The following PRKAR2B variants were observed in gnomAD, a reference collection of about 807,000 sequenced individuals.
PRKAR2B encodes the protein cAMP-dependent protein kinase type II-beta regulatory subunit.
A neutral mutation model predicts 49.9 loss-of-function variants in PRKAR2B; 14 were observed. That is an observed-to-expected ratio of 0.28 (90% CI 0.19 to 0.44). The LOEUF (loss-of-function observed/expected upper bound fraction) is 0.44, where lower values mean the gene tolerates loss of function less well. Among genes scored for constraint, PRKAR2B ranks in the 20% least tolerant of loss-of-function variants. The probability of loss-of-function intolerance (pLI) is 1.00; values close to 1 mark genes in which losing one functional copy is unlikely to be tolerated. For synonymous variants in PRKAR2B, 196 were observed against 197.7 expected, an observed-to-expected ratio of 0.99 and a Z score of 0.07; for missense variants, 393 against 537.9, an observed-to-expected ratio of 0.73 and a Z score of 2.67.
intron 2 of PRKAR2B, among the ~76,000 whole-genome samples, chr7:107,097,292 G>T (rs901738208): frequency 2.0e-5 from 3 of 151,966 alleles, no homozygotes; most frequent in Admixed American, 2.0e-4. Flanking sequence ...GATCTTTGTT[G>T]GTTTAAAGTC....
intron 5 of PRKAR2B, among the ~76,000 whole-genome samples, chr7:107,143,698 A>G (rs556327658): frequency 6.6e-5 from 10 of 152,330 alleles, no homozygotes; most frequent in African/African-American, 2.2e-4. Flanking sequence ...TGGGTGGTTG[A>G]GATAATGACA....
chr7:107,101,586 CTG>C (rs886516146), intron 2 of PRKAR2B, among the ~76,000 whole-genome samples: 19 of 152,232 alleles, frequency 1.2e-4, no homozygotes, highest in African/African-American at 4.6e-4. Flanking sequence ...GGTTAGTTCA[CTG>C]CATCCAGGAC....
At chr7:107,091,325 A>C (rs1243195421) in intron 2 of PRKAR2B, among the ~76,000 whole-genome samples, 1 of 152,254 alleles carries the variant, frequency 6.6e-6, no homozygotes, top group Non-Finnish European at 1.5e-5. Context: ...TGTGCATTCT[A>C]TGAGACTGCT....
intron 1 of PRKAR2B, among the ~76,000 whole-genome samples, chr7:107,064,453 G>A (rs1041966922): frequency 6.6e-6 from 1 of 152,132 alleles, no homozygotes; most frequent in African/African-American, 2.4e-5. Flanking sequence ...TGTCTGAGTG[G>A]GTTGGACACC....
intron 2 of PRKAR2B, among the ~76,000 whole-genome samples, chr7:107,114,077 A>C (rs1159513001): frequency 2.0e-5 from 3 of 152,174 alleles, no homozygotes; most frequent in African/African-American, 4.8e-5. Flanking sequence ...GAAATGGTTG[A>C]TGTTTTATAG....
chr7:107,049,369 A>G (rs184380812), intron 1 of PRKAR2B, among the ~76,000 whole-genome samples: 1 of 152,354 alleles, frequency 6.6e-6, no homozygotes, highest in East Asian at 1.9e-4. Context: ...AAGTAGATAC[A>G]CATACCAAAA....
At chr7:107,100,468 G>T (rs1439710743) in intron 2 of PRKAR2B, among the ~76,000 whole-genome samples, 1 of 152,120 alleles carries the variant, frequency 6.6e-6, no homozygotes, top group East Asian at 1.9e-4. Flanking sequence ...ATGTGTGTGG[G>T]TATGGATTTC....
At chr7:107,126,419 T>TAAA (rs1795493757) in intron 3 of PRKAR2B, among the ~76,000 whole-genome samples, 1 of 53,724 alleles carries the variant, frequency 1.9e-5, no homozygotes, top group Non-Finnish European at 3.2e-5. Context: ...AGAATCTGTC[T>TAAA]CAAAAAAAAA....
chr7:107,110,503 C>T (rs549265092), intron 2 of PRKAR2B, among the ~76,000 whole-genome samples: 59 of 151,800 alleles, frequency 3.9e-4, no homozygotes, highest in African/African-American at 1.4e-3. Context: ...AATTGAGACC[C>T]TTTTCTTCTG....
intron 1 of PRKAR2B, among the ~76,000 whole-genome samples, chr7:107,057,198 T>C (rs1269666089): frequency 6.6e-6 from 1 of 152,190 alleles, no homozygotes; most frequent in Non-Finnish European, 1.5e-5. Context: ...GTTTTTCCTC[T>C]AGCTCCAGCA....
intron 1 of PRKAR2B, among the ~76,000 whole-genome samples, chr7:107,055,687 G>A (rs1428988935): frequency 6.6e-6 from 1 of 152,144 alleles, no homozygotes; most frequent in Non-Finnish European, 1.5e-5. Flanking sequence ...AAATTTGTTT[G>A]AGTTCATTGT....
intron 4 of PRKAR2B, among the ~76,000 whole-genome samples, chr7:107,138,335 TG>T (rs981958308): frequency 1.3e-5 from 2 of 152,210 alleles, no homozygotes; most frequent in African/African-American, 4.8e-5. Flanking sequence ...TGTCATGTGT[TG>T]GGGTAGAGGA....
chr7:107,123,306 TAA>T (rs1241753123), intron 3 of PRKAR2B, among the ~76,000 whole-genome samples: 1 of 152,214 alleles, frequency 6.6e-6, no homozygotes, highest in Non-Finnish European at 1.5e-5. Flanking sequence ...ATGAGGTAAA[TAA>T]AGTGTTTTGG....
intron 2 of PRKAR2B, among the ~76,000 whole-genome samples, chr7:107,097,998 T>G (rs1158524334): frequency 6.6e-6 from 1 of 152,202 alleles, no homozygotes; most frequent in African/African-American, 2.4e-5. Flanking sequence ...TTGGAGTTGC[T>G]TTTCTCGAGG....
chr7:107,064,964 T>A (rs571234578), intron 1 of PRKAR2B, among the ~76,000 whole-genome samples: 3 of 152,216 alleles, frequency 2.0e-5, no homozygotes, highest in South Asian at 2.1e-4. Context: ...AATTATTCCT[T>A]GGTTCAAGGG....
intron 1 of PRKAR2B, among the ~76,000 whole-genome samples, chr7:107,064,994 A>G (rs1442287012): frequency 6.6e-6 from 1 of 152,166 alleles, no homozygotes; most frequent in Admixed American, 6.5e-5. Flanking sequence ...CTTCACTTTA[A>G]TTTTTGAAGC....
chr7:107,070,899 A>G (rs1322228381), intron 2 of PRKAR2B, among the ~76,000 whole-genome samples: 1 of 152,216 alleles, frequency 6.6e-6, no homozygotes, highest in African/African-American at 2.4e-5. Context: ...TAAATATACT[A>G]CAGTACCCTA....
intron 1 of PRKAR2B, among the ~76,000 whole-genome samples, chr7:107,057,832 C>T (rs1394614485): frequency 2.6e-5 from 4 of 151,614 alleles, no homozygotes; most frequent in South Asian, 4.1e-4. Flanking sequence ...AATGAGAACA[C>T]GACAGTTTAA....
At position 107,071,441 on chromosome 7, in the gene PRKAR2B, G is replaced by A. The variant is rs920945402; in HGVS notation, c.343+1125G>A. The stretch of plus-strand genomic sequence containing the variant: ...TCTGAGCTTTTTGTAATCTCAAGGC[G>A]TGTTTATTTTAAATGGTGAAAACAA... On this transcript the variant is annotated intron_variant, in intron 2 of 10. Coordinates refer to ENST00000265717, the MANE Select transcript of PRKAR2B (RefSeq NM_002736.3). 4.6e-5 allele frequency among the ~76,000 whole-genome samples: 7 copies of A among 152,136 alleles called. No homozygotes were observed. The South Asian group carries it at 6.2e-4, about 14-fold the overall frequency.
Sources: gnomAD v4.1 joint callset for allele counts (sites outside exome capture counted in the v4.1 genomes callset) on GRCh38, gnomAD v4.1.1 for gene constraint, MANE v1.5 for transcripts, NCBI Gene and HGNC (gene_info 2026-07-23, HGNC 2026-07-21) for gene names.